The following RAC1 variants were observed in gnomAD, a reference collection of about 807,000 sequenced individuals.
RAC1 encodes the protein Rac family small GTPase 1.
Under a neutral mutation model 25.2 loss-of-function variants are expected in RAC1, and 2 were observed. The ratio of observed to expected loss-of-function variants is 0.08; its 90% CI spans 0.03 to 0.25. The LOEUF (loss-of-function observed/expected upper bound fraction) is 0.25. RAC1 is among the 10% of genes least tolerant of loss of function. The pLI is 1.00. For synonymous variants in RAC1, 88 were observed against 94.0 expected (o/e 0.94, Z 0.37); for missense variants, 50 against 235.7 (o/e 0.21, Z 5.16).
At chr7:6,396,519 C>T (rs759102326) in intron 3 of RAC1, among the ~76,000 whole-genome samples, 17 of 152,050 alleles carry the variant, frequency 1.1e-4, no homozygotes, top group Non-Finnish European at 2.1e-4. Context: ...TGTCTCTTCT[C>T]CATCAAAAAA....
intron 3 of RAC1, among the ~76,000 whole-genome samples, chr7:6,392,322 C>T (rs180678690): frequency 1.3e-5 from 2 of 152,252 alleles, no homozygotes; most frequent in Admixed American, 1.3e-4. Flanking sequence ...TTTTTGCAAA[C>T]CAGTTTTTAA....
At chr7:6,382,488 G>A (rs34235873) in intron 1 of RAC1, among the ~76,000 whole-genome samples, 2 of 152,214 alleles carry the variant, frequency 1.3e-5, no homozygotes, top group East Asian at 1.9e-4. Context: ...TTCTAGATTT[G>A]TTGATTGTGC....
At chr7:6,387,332 ATTTC>A (rs750265903) in intron 2 of RAC1, 49 bp downstream of exon 2, 11 of 1,307,010 alleles carry the variant, frequency 8.4e-6, no homozygotes, top group Non-Finnish European at 1.1e-5. Flanking sequence ...CGGGTTTCAC[ATTTC>A]TTTGACCATT....
chr7:6,390,879 C>A (rs1017508746), intron 2 of RAC1, among the ~76,000 whole-genome samples: 1 of 152,118 alleles, frequency 6.6e-6, no homozygotes, highest in East Asian at 1.9e-4. Context: ...TGTCCATCAC[C>A]ATCACACCTT....
rs1783426847 is a variant in RAC1, at chr7:6,402,389, A to C, written c.522A>C (p.Arg174=). The part of the protein sequence containing the change: ...GLKTVFDEAI[R]AVLCPPPVKK... ...AGACAGTGTTTGACGAAGCGATCCG[A>C]GCAGTCCTCTGCCCGCCTCCCGTGA... The change falls in exon 6 of 6, where the codon CGA becomes CGC. Residue 174 remains arginine, a synonymous_variant. Transcript: ENST00000348035. 1.2e-6 allele frequency: 2 copies of C among 1,611,584 alleles called. No individual in the cohort carries two copies. Among genetic ancestry groups the C allele is most frequent in the Non-Finnish European group, 1.7e-6 (2 of 1,179,638 alleles).
intron 2 of RAC1, among the ~76,000 whole-genome samples, chr7:6,389,204 A>C (rs1207979492): frequency 7.4e-4 from 21 of 28,306 alleles, no homozygotes; most frequent in Non-Finnish European, 1.0e-3. Flanking sequence ...TCTGTCTCCC[A>C]AAAAAAAAAA....
intron 1 of RAC1, among the ~76,000 whole-genome samples, chr7:6,379,601 G>A (rs867172818): frequency 2.0e-5 from 3 of 152,072 alleles, no homozygotes; most frequent in Admixed American, 6.6e-5. Context: ...ATAGAGACAG[G>A]GTTTCACCAT....
At chr7:6,394,335 C>T (rs913149914) in intron 3 of RAC1, among the ~76,000 whole-genome samples, 22 of 152,216 alleles carry the variant, frequency 1.4e-4, no homozygotes, top group African/African-American at 3.4e-4. Context: ...TCCCGAATTA[C>T]GTAATCCTTA....
intron 4 of RAC1, 71 bp downstream of exon 4, chr7:6,400,259 C>A: frequency 7.2e-7 from 1 of 1,389,640 alleles, no homozygotes; most frequent in Non-Finnish European, 1.0e-6. Context: ...TTTAAAATAT[C>A]ACTTAGCCTA....
At chr7:6,377,546 G>A (rs955375972) in intron 1 of RAC1, among the ~76,000 whole-genome samples, 1 of 152,188 alleles carries the variant, frequency 6.6e-6, no homozygotes, top group South Asian at 2.1e-4. Flanking sequence ...AGTGAGCTGA[G>A]ATTGTGCCAT....
intron 3 of RAC1, chr7:6,398,745 G>A (rs1299728348): frequency 4.4e-6 from 7 of 1,604,380 alleles, no homozygotes; most frequent in Non-Finnish European, 5.1e-6. Context: ...GTCCACTTCA[G>A]TTTCAAGCTT....
rs148897902 is a variant in RAC1 at position 6,399,440 on chromosome 7, T to C, written c.226-686T>C. On this transcript the variant is annotated intron_variant, in intron 3 of 5. Coordinates refer to ENST00000348035, the MANE Select transcript of RAC1 (RefSeq NM_006908.5). ...ATTTGGTTTGACACAAAATACAGAA[T>C]GGATGAAGCATGCAGATGTTTGGCG... Among the ~76,000 whole-genome samples the C allele has an allele frequency of 3.7e-3, 559 of 152,372 alleles. 9 individuals are homozygous for C. Among genetic ancestry groups the C allele is most frequent in the African/African-American group, 0.013 (528 of 41,602 alleles).
intron 1 of RAC1, among the ~76,000 whole-genome samples, chr7:6,386,012 GGT>G (rs1782912604): frequency 6.6e-6 from 1 of 152,166 alleles, no homozygotes; most frequent in Admixed American, 6.6e-5. Flanking sequence ...TTAGTTATTA[GGT>G]GATAGCCTCT....
At chr7:6,378,225 C>A (rs1408206483) in intron 1 of RAC1, among the ~76,000 whole-genome samples, 1 of 152,094 alleles carries the variant, frequency 6.6e-6, no homozygotes, top group Non-Finnish European at 1.5e-5. Context: ...GGGACCCTGA[C>A]TGATAGAGAC....
chr7:6,385,551 A>G (rs961038705), intron 1 of RAC1, among the ~76,000 whole-genome samples: 3 of 152,222 alleles, frequency 2.0e-5, no homozygotes, highest in African/African-American at 7.2e-5. Context: ...TGTATGTCCA[A>G]TGAGTCATTT....
intron 1 of RAC1, among the ~76,000 whole-genome samples, chr7:6,377,446 T>C (rs977587338): frequency 2.0e-5 from 3 of 151,844 alleles, no homozygotes; most frequent in African/African-American, 7.3e-5. Flanking sequence ...ATACAAAAAT[T>C]AGCTAGGTGT....
At chr7:6,397,734 TC>T (rs1783284918) in intron 3 of RAC1, among the ~76,000 whole-genome samples, 1 of 152,214 alleles carries the variant, frequency 6.6e-6, no homozygotes, top group Non-Finnish European at 1.5e-5. Flanking sequence ...ATGCCTGTAA[TC>T]CCAGCACGTT....
At chr7:6,376,972 C>A (rs1456045373) in intron 1 of RAC1, among the ~76,000 whole-genome samples, 1 of 151,954 alleles carries the variant, frequency 6.6e-6, no homozygotes, top group Non-Finnish European at 1.5e-5. Context: ...TTCAAATCCC[C>A]ACCCCACCGC....
intron 1 of RAC1, among the ~76,000 whole-genome samples, chr7:6,376,246 G>C (rs967204310): frequency 7.4e-6 from 1 of 134,918 alleles, no homozygotes; most frequent in African/African-American, 2.9e-5. Context: ...GCAGTGGCAC[G>C]ATTTCGGCTC....
Sources: gnomAD v4.1 joint callset for allele counts (sites outside exome capture counted in the v4.1 genomes callset) on GRCh38, gnomAD v4.1.1 for gene constraint, MANE v1.5 for transcripts, NCBI Gene and HGNC (gene_info 2026-07-23, HGNC 2026-07-21) for gene names.